TMEM132D: variants seen among roughly 807,000 people sequenced by gnomAD.
TMEM132D encodes mature OL transmembrane protein.
A neutral mutation model predicts 62.3 loss-of-function variants in TMEM132D; 21 were observed. That is an observed-to-expected ratio of 0.34 (90% CI 0.24 to 0.49). The LOEUF (loss-of-function observed/expected upper bound fraction) is 0.49, where lower values mean the gene tolerates loss of function less well. Ranked by LOEUF, TMEM132D falls within the 20% of genes least tolerant of loss-of-function variation. TMEM132D has a pLI of 0.99. For missense variants in TMEM132D, 1,346 were observed against 1,402.8 expected, an observed-to-expected ratio of 0.96 and a Z score of 0.65; for synonymous variants, 621 against 575.6, an observed-to-expected ratio of 1.08 and a Z score of -1.13.
intron 2 of TMEM132D, among the ~76,000 whole-genome samples, chr12:129,561,524 C>T (rs922970): frequency 0.32 from 48,370 of 152,048 alleles, 8,061 homozygotes; most frequent in Non-Finnish European, 0.35. Flanking sequence ...AATTGGGACT[C>T]CCCGAGATAG....
intron 3 of TMEM132D, among the ~76,000 whole-genome samples, chr12:129,408,595 A>T (rs11060325): frequency 0.2 from 29,848 of 151,932 alleles, 3,170 homozygotes; most frequent in East Asian, 0.36. Context: ...TACACAAGGC[A>T]ATTTTTATAT....
At chr12:129,205,572 C>T (rs993036670) in intron 5 of TMEM132D, among the ~76,000 whole-genome samples, 3 of 152,128 alleles carry the variant, frequency 2.0e-5, no homozygotes, top group African/African-American at 4.8e-5. Context: ...TAGTGGGAAA[C>T]TTCAACATCC....
intron 5 of TMEM132D, among the ~76,000 whole-genome samples, chr12:129,199,102 CTTTTTTTTTTTT>C (rs58775767): frequency 9.4e-5 from 9 of 95,830 alleles, no homozygotes; most frequent in Non-Finnish European, 1.8e-4. Context: ...GTCCATCTAC[CTTTTTTTTTTTT>C]TTTTTTTTTT....
At chr12:129,773,198 T>C (rs1043164304) in intron 1 of TMEM132D, among the ~76,000 whole-genome samples, 2 of 152,232 alleles carry the variant, frequency 1.3e-5, no homozygotes, top group Admixed American at 6.5e-5. Context: ...AGTCATTCAC[T>C]TAATTACGCA....
At chr12:129,089,556 C>T (rs1224797581) in intron 5 of TMEM132D, among the ~76,000 whole-genome samples, 1 of 150,974 alleles carries the variant, frequency 6.6e-6, no homozygotes, top group Admixed American at 6.6e-5. Flanking sequence ...CGGGTGTCCT[C>T]CCTGACTGAG....
chr12:129,146,375 C>T (rs1307803899), intron 5 of TMEM132D, among the ~76,000 whole-genome samples: 2 of 152,128 alleles, frequency 1.3e-5, no homozygotes, highest in Non-Finnish European at 2.9e-5. Flanking sequence ...CATCTCTTTC[C>T]CAAATTGTCA....
At chr12:129,799,618 C>G (rs1353439627) in intron 1 of TMEM132D, among the ~76,000 whole-genome samples, 1 of 151,994 alleles carries the variant, frequency 6.6e-6, no homozygotes, top group Non-Finnish European at 1.5e-5. Context: ...CTGGGTCACC[C>G]AGTTGGCCCG....
chr12:129,296,851 G>C (rs1287708119), intron 4 of TMEM132D, among the ~76,000 whole-genome samples: 1 of 152,222 alleles, frequency 6.6e-6, no homozygotes, highest in Non-Finnish European at 1.5e-5. Context: ...ACACTACCAA[G>C]CTCATTAGTA....
At chr12:129,777,317 T>A (rs750854504) in intron 1 of TMEM132D, among the ~76,000 whole-genome samples, 2 of 152,164 alleles carry the variant, frequency 1.3e-5, no homozygotes, top group African/African-American at 2.4e-5. Flanking sequence ...AGACACCCAT[T>A]TTTTTCTATG....
chr12:129,820,813 T>C (rs761299542), intron 1 of TMEM132D, among the ~76,000 whole-genome samples: 2 of 152,218 alleles, frequency 1.3e-5, no homozygotes, highest in Non-Finnish European at 2.9e-5. Flanking sequence ...GGCCTCAAAC[T>C]CGTGGGCTCA....
intron 1 of TMEM132D, among the ~76,000 whole-genome samples, chr12:129,758,386 T>C (rs1051271998): frequency 6.6e-6 from 1 of 152,182 alleles, no homozygotes; most frequent in Non-Finnish European, 1.5e-5. Context: ...CTTATCCGGA[T>C]TATAGCAGAT....
At chr12:129,617,876 G>C (rs1878964858) in intron 2 of TMEM132D, among the ~76,000 whole-genome samples, 1 of 152,126 alleles carries the variant, frequency 6.6e-6, no homozygotes, top group South Asian at 2.1e-4. Flanking sequence ...GAATACTAGG[G>C]GGATGCATAT....
chr12:129,583,098 G>A (rs1476628898), intron 2 of TMEM132D, among the ~76,000 whole-genome samples: 2 of 152,180 alleles, frequency 1.3e-5, no homozygotes, highest in Admixed American at 6.5e-5. Context: ...GTGAGCCACT[G>A]TGCCCAGCCC....
intron 2 of TMEM132D, among the ~76,000 whole-genome samples, chr12:129,662,585 GA>G (rs1343967116): frequency 6.6e-6 from 1 of 152,134 alleles, no homozygotes; most frequent in East Asian, 1.9e-4. Flanking sequence ...ACGAGGTCAA[GA>G]GATCAAGACC....
intron 1 of TMEM132D, among the ~76,000 whole-genome samples, chr12:129,881,534 T>C (rs963950020): frequency 6.6e-6 from 1 of 152,018 alleles, no homozygotes. Context: ...TAAAAATCGA[T>C]ATCAGAAAGG....
At chr12:129,605,706 A>G (rs904480308) in intron 2 of TMEM132D, among the ~76,000 whole-genome samples, 4 of 151,604 alleles carry the variant, frequency 2.6e-5, no homozygotes, top group African/African-American at 9.7e-5. Flanking sequence ...TGATGAGCAA[A>G]TATTCATGTG....
At chr12:129,896,348 C>G (rs1287355849) in intron 1 of TMEM132D, among the ~76,000 whole-genome samples, 10 of 152,160 alleles carry the variant, frequency 6.6e-5, no homozygotes, top group African/African-American at 2.2e-4. Context: ...AGGTGTTCAT[C>G]TGCACGAGAA....
chr12:129,424,261 ACT>A (rs1872414550), intron 3 of TMEM132D, among the ~76,000 whole-genome samples: 1 of 152,014 alleles, frequency 6.6e-6, no homozygotes, highest in South Asian at 2.1e-4. Context: ...GTTTTTAAAC[ACT>A]GTTTCTCAAT....
chr12:129,247,121 CG>C (rs1880143136), intron 4 of TMEM132D, among the ~76,000 whole-genome samples: 2 of 152,132 alleles, frequency 1.3e-5, no homozygotes, highest in African/African-American at 4.8e-5. Context: ...AAGTATATAT[CG>C]GGATATTGCT....
Sources: allele counts gnomAD v4.1 joint callset (sites outside exome capture counted in the v4.1 genomes callset), GRCh38; gene constraint gnomAD v4.1.1; transcripts MANE v1.5; gene names NCBI Gene and HGNC (gene_info 2026-07-23, HGNC 2026-07-21).